The following CASZ1 variants were observed in gnomAD, a reference collection of about 807,000 sequenced individuals.
The protein encoded by CASZ1 is castor zinc finger 1.
CASZ1 carries 28 observed loss-of-function variants against 135.2 expected under a neutral mutation model. That is an observed-to-expected ratio of 0.21 (90% CI 0.15 to 0.28). The LOEUF (loss-of-function observed/expected upper bound fraction) is 0.28, where lower values mean the gene tolerates loss of function less well. CASZ1 is among the 10% of genes least tolerant of loss of function. The pLI, the probability that CASZ1 is intolerant of heterozygous loss-of-function variation, is 1.00. For missense variants in CASZ1, 2,161 were observed against 2,453.3 expected (o/e 0.88, Z 2.52); for synonymous variants, 1,068 against 1,073.4 (o/e 0.99, Z 0.10).
intron 4 of CASZ1, among the ~76,000 whole-genome samples, chr1:10,693,076 TC>T (rs1341607418): frequency 6.6e-6 from 1 of 151,992 alleles, no homozygotes; most frequent in Non-Finnish European, 1.5e-5. Flanking sequence ...CACCAAAATA[TC>T]AGGATAAACT....
At chr1:10,704,537 G>A (rs1326058105) in intron 3 of CASZ1, 1 of 152,166 alleles carries the variant, frequency 6.6e-6, no homozygotes, top group Non-Finnish European at 1.5e-5. Flanking sequence ...GTGGGAGCCG[G>A]GGAATCTCCT....
chr1:10,738,093 T>G (rs1570541777), intron 2 of CASZ1, among the ~76,000 whole-genome samples: 4 of 146,898 alleles, frequency 2.7e-5, no homozygotes, highest in African/African-American at 1.0e-4. Context: ...AGGGTGGGGG[T>G]GGGGACGAGC....
intron 1 of CASZ1, among the ~76,000 whole-genome samples, chr1:10,793,736 C>G (rs1641004527): frequency 1.3e-5 from 2 of 151,106 alleles, no homozygotes; most frequent in African/African-American, 4.9e-5. Flanking sequence ...GGGGGCGGGG[C>G]GGCGATCTCT....
At chr1:10,652,373 C>T (rs1371465194) in intron 11 of CASZ1, 1 of 152,288 alleles carries the variant, frequency 6.6e-6, no homozygotes, top group African/African-American at 2.4e-5. Context: ...GCGTGGGGCT[C>T]TGTCTGGCGT....
chr1:10,785,838 G>A (rs1439765809), intron 1 of CASZ1, among the ~76,000 whole-genome samples: 2 of 152,326 alleles, frequency 1.3e-5, no homozygotes, highest in South Asian at 2.1e-4. Context: ...AGCAGTGTGC[G>A]TTCCGTAAAA....
intron 4 of CASZ1, among the ~76,000 whole-genome samples, chr1:10,687,741 TC>T (rs1437757978): frequency 2.6e-5 from 4 of 152,086 alleles, no homozygotes; most frequent in African/African-American, 9.7e-5. Flanking sequence ...AGCCATCCTG[TC>T]CCCACTGGGC....
In CASZ1 at chr1:10,721,288, T is replaced by G. The variant is rs1639491760; in HGVS notation, c.-76-15744A>C. Among the ~76,000 whole-genome samples, 1 of 151,690 alleles carries G rather than the reference T, an allele frequency of 6.6e-6. No homozygotes were observed. Among genetic ancestry groups the G allele is most frequent in the African/African-American group, 2.4e-5 (1 of 41,308 alleles). ...ACCTACCTCCCCCACCCCCTGATCT[T>G]AGGGAAAAAAAAACCCATCAAAATA... is the stretch of plus-strand genomic sequence containing the variant. On this transcript the variant is annotated intron_variant, in intron 2 of 20. Coordinates refer to ENST00000377022, the MANE Select transcript of CASZ1 (RefSeq NM_001079843.3). This position sits in a 1 kb window ranked among gnomAD's most constrained non-coding sequence, Gnocchi z 5.4.
intron 1 of CASZ1, among the ~76,000 whole-genome samples, chr1:10,764,643 C>T (rs114366735): frequency 6.6e-6 from 1 of 152,332 alleles, no homozygotes; most frequent in Admixed American, 6.5e-5. Context: ...AGGCCCAACT[C>T]ACTTAAAAGG....
At chr1:10,656,775 G>A (rs1307005355) in intron 7 of CASZ1, 39 bp from the exon 8 acceptor site, 1 of 1,388,186 alleles carries the variant, frequency 7.2e-7, no homozygotes, top group Non-Finnish European at 1.0e-6. Flanking sequence ...CCTGCTGTGG[G>A]TGACAGTCCC....
Position 10,722,165 on chromosome 1 carries a change from G to A in CASZ1, c.-76-16621C>T, listed in dbSNP as rs558837952. ...GTCACAGCCACCGTCTCCCCTGAGCGGCTCAGGAGGCCATGAGGGCTCCTC... is the reference window on the plus strand; with the variant it reads ...GTCACAGCCACCGTCTCCCCTGAGCAGCTCAGGAGGCCATGAGGGCTCCTC... On this transcript the variant is annotated intron_variant, in intron 2 of 20. Transcript: ENST00000377022. Among the ~76,000 whole-genome samples, 8 of 152,342 alleles carry A rather than the reference G, an allele frequency of 5.3e-5. No homozygotes were observed. The East Asian group carries it at 7.7e-4, about 15-fold the overall frequency.
intron 4 of CASZ1, among the ~76,000 whole-genome samples, chr1:10,684,182 G>T (rs1638512477): frequency 6.6e-6 from 1 of 152,116 alleles, no homozygotes; most frequent in Non-Finnish European, 1.5e-5. Context: ...CGGTGGTGGG[G>T]GAGTGAGGGG....
At chr1:10,738,569 C>T (rs561986799) in intron 2 of CASZ1, among the ~76,000 whole-genome samples, 7 of 152,378 alleles carry the variant, frequency 4.6e-5, no homozygotes, top group East Asian at 1.9e-4. Context: ...GGCCATGGGG[C>T]GACCTGGGCC....
chr1:10,658,482 C>G (rs750059618), intron 7 of CASZ1, 26 bp downstream of exon 7: 4 of 1,595,938 alleles, frequency 2.5e-6, no homozygotes, highest in Non-Finnish European at 3.4e-6. Context: ...CTTCTCTCCA[C>G]GGCAGGCTCC....
intron 5 of CASZ1, among the ~76,000 whole-genome samples, chr1:10,661,930 C>T (rs929611828): frequency 6.6e-6 from 1 of 151,652 alleles, no homozygotes; most frequent in African/African-American, 2.4e-5. Flanking sequence ...CACACACCCA[C>T]AGTCGCATGC....
At chr1:10,712,174 C>T (rs949813928) in intron 2 of CASZ1, among the ~76,000 whole-genome samples, 37 of 151,640 alleles carry the variant, frequency 2.4e-4, no homozygotes, top group Admixed American at 4.6e-4. Context: ...GATGAAACCC[C>T]GTCTCTACTA....
intron 5 of CASZ1, 162 bp from the exon 6 acceptor site, chr1:10,660,698 C>T (rs1283577661): frequency 5.2e-6 from 3 of 581,194 alleles, no homozygotes; most frequent in Middle Eastern, 4.5e-4. Flanking sequence ...GGTTTTACGA[C>T]TCTTAAATTA....
At chr1:10,710,422 G>A (rs1639263449) in intron 2 of CASZ1, among the ~76,000 whole-genome samples, 1 of 152,186 alleles carries the variant, frequency 6.6e-6, no homozygotes, top group Non-Finnish European at 1.5e-5. Context: ...TTTCCCAGTG[G>A]CCCTGCCCGA....
intron 20 of CASZ1, among the ~76,000 whole-genome samples, chr1:10,641,734 C>G (rs752172256): frequency 1.3e-5 from 2 of 152,226 alleles, no homozygotes; most frequent in South Asian, 4.1e-4. Flanking sequence ...AAGGCAGACC[C>G]TACAGGGCCT....
At chr1:10,773,862 G>A (rs1044447290) in intron 1 of CASZ1, among the ~76,000 whole-genome samples, 2 of 152,218 alleles carry the variant, frequency 1.3e-5, no homozygotes, top group South Asian at 2.1e-4. Context: ...GCTGATATGC[G>A]CTGAGAAGAG....
Sources: gnomAD v4.1 joint callset for allele counts (sites outside exome capture counted in the v4.1 genomes callset) on GRCh38, gnomAD v4.1.1 for gene constraint, Gnocchi (gnomAD v3.1) non-coding constraint, MANE v1.5 for transcripts, NCBI Gene and HGNC (gene_info 2026-07-23, HGNC 2026-07-21) for gene names.